The following FANCB variants were observed in gnomAD, a reference collection of about 807,000 sequenced individuals.
FANCB encodes FA complementation group B.
In FANCB, 5 loss-of-function variants were observed where a neutral mutation model predicts 38.9. The observed-to-expected ratio is 0.13, with a 90% CI of 0.07 to 0.27. The LOEUF is 0.27. Ranked by LOEUF, FANCB falls within the 10% of genes least tolerant of loss-of-function variation. FANCB has a pLI of 1.00. For synonymous variants in FANCB, 236 were observed against 215.4 expected (o/e 1.10, Z -0.84); for missense variants, 573 against 602.7 (o/e 0.95, Z 0.52).
the FANCB span, among the ~76,000 whole-genome samples, chrX:14,804,027 C>T: frequency 8.9e-6 from 1 of 111,901 alleles, no homozygotes; most frequent in Middle Eastern, 4.6e-3. Flanking sequence ...CACTTTTACA[C>T]TGTTGGTGGG....
At chrX:14,796,683 C>A in the FANCB span, among the ~76,000 whole-genome samples, 1 of 68,568 alleles carries the variant, frequency 1.5e-5, no homozygotes, top group Non-Finnish European at 2.6e-5. Context: ...CACACACACA[C>A]GTCTATATAT....
the FANCB span, among the ~76,000 whole-genome samples, chrX:14,695,332 G>A: frequency 9.0e-6 from 1 of 111,637 alleles, no homozygotes; most frequent in Non-Finnish European, 1.9e-5. Flanking sequence ...TGTGCTCATG[G>A]GGGGATATAT....
chrX:14,715,670 A>T, the FANCB span, among the ~76,000 whole-genome samples: 1 of 111,665 alleles, frequency 9.0e-6, no homozygotes, highest in Non-Finnish European at 1.9e-5. Flanking sequence ...AAAGACTTGA[A>T]GGAGTTTACC....
chrX:14,811,174 C>T, the FANCB span, among the ~76,000 whole-genome samples: 358 of 111,053 alleles, frequency 3.2e-3, 2 homozygotes, highest in African/African-American at 0.011. Context: ...AAGCACTAAA[C>T]ATGGAAAGGA....
At chrX:14,797,747 A>C in the FANCB span, among the ~76,000 whole-genome samples, 3 of 110,299 alleles carry the variant, frequency 2.7e-5, no homozygotes, top group East Asian at 8.5e-4. Flanking sequence ...CCACTCTCAA[A>C]GAGGGGGGAG....
the FANCB span, among the ~76,000 whole-genome samples, chrX:14,758,655 T>C: frequency 2.7e-5 from 3 of 111,744 alleles, no homozygotes; most frequent in East Asian, 8.5e-4. Flanking sequence ...CAGAAAGTCA[T>C]ATTCCTAGGG....
At chrX:14,871,823 ATT>A (rs774037981) in intron 1 of FANCB, among the ~76,000 whole-genome samples, 2 of 100,597 alleles carry the variant, frequency 2.0e-5, no homozygotes, top group African/African-American at 3.6e-5. Flanking sequence ...GCCATGTACT[ATT>A]TTTTTTTTTT....
intron 5 of FANCB, among the ~76,000 whole-genome samples, chrX:14,856,238 T>G (rs764735678): frequency 1.8e-5 from 2 of 111,924 alleles, no homozygotes; most frequent in East Asian, 5.6e-4. Flanking sequence ...TGTAAAATCA[T>G]CTTCATCCTT....
At chrX:14,753,411 G>A in the FANCB span, among the ~76,000 whole-genome samples, 108 of 112,208 alleles carry the variant, frequency 9.6e-4, no homozygotes, top group African/African-American at 3.2e-3. Flanking sequence ...TAGGTTATAC[G>A]ACTTATCTAT....
At chrX:14,751,697 G>A in the FANCB span, among the ~76,000 whole-genome samples, 1 of 111,670 alleles carries the variant, frequency 9.0e-6, no homozygotes, top group South Asian at 3.7e-4. Context: ...CCTCTGGAAG[G>A]GGATAAAAGG....
At chrX:14,848,263 CG>C (rs1180060072) in intron 7 of FANCB, among the ~76,000 whole-genome samples, 3 of 112,080 alleles carry the variant, frequency 2.7e-5, no homozygotes, top group Non-Finnish European at 3.8e-5. Flanking sequence ...GCCAACAGCG[CG>C]TGATGTGCTT....
chrX:14,710,319 G>T, the FANCB span, among the ~76,000 whole-genome samples: 4 of 111,954 alleles, frequency 3.6e-5, no homozygotes, highest in Non-Finnish European at 7.5e-5. Flanking sequence ...GGGAAGAGGG[G>T]AAAGAAAGCA....
intron 5 of FANCB, among the ~76,000 whole-genome samples, chrX:14,854,691 G>A (rs1426040867): frequency 1.8e-5 from 2 of 111,272 alleles, no homozygotes; most frequent in East Asian, 2.8e-4. Context: ...TCTATCATAC[G>A]TGCAGAAGAA....
chrX:14,791,171 C>A, the FANCB span, among the ~76,000 whole-genome samples: 10 of 111,615 alleles, frequency 9.0e-5, no homozygotes, highest in African/African-American at 3.3e-4. Context: ...ATGTTGAAAC[C>A]TAATCCTATC....
chrX:14,775,451 G>A, the FANCB span, among the ~76,000 whole-genome samples: 2 of 111,758 alleles, frequency 1.8e-5, no homozygotes, highest in Admixed American at 1.9e-4. Flanking sequence ...GAAGCAGTAA[G>A]GGCAGGAGGA....
the FANCB span, among the ~76,000 whole-genome samples, chrX:14,733,394 T>A: frequency 8.9e-6 from 1 of 112,023 alleles, no homozygotes; most frequent in Non-Finnish European, 1.9e-5. Context: ...TAGTTTTTTC[T>A]AATTCTGTGA....
chrX:14,819,869 C>T, the FANCB span, among the ~76,000 whole-genome samples: 12 of 111,672 alleles, frequency 1.1e-4, no homozygotes, highest in Non-Finnish European at 2.3e-4. Context: ...CAGTAGCATC[C>T]TAACACTGCC....
chrX:14,694,857 A>T, the FANCB span, among the ~76,000 whole-genome samples: 2 of 111,952 alleles, frequency 1.8e-5, no homozygotes, highest in East Asian at 5.6e-4. Context: ...AAGAGATGAG[A>T]AGATGAATTG....
At position 14,845,867 on chromosome X, in the gene FANCB, C is replaced by T. The variant is rs1009600322; in HGVS notation, c.1497-581G>A. ...ATTTATAATAATTTACAAATATATA[C>T]AGGCTTACTGTAGCACATTCCAGCA... On this transcript the variant is annotated intron_variant, in intron 7 of 9. Coordinates refer to ENST00000650831, the MANE Select transcript of FANCB (RefSeq NM_001018113.3). Among the ~76,000 whole-genome samples the T allele has an allele frequency of 9.9e-5, 11 of 111,515 alleles. No homozygotes were observed. In the East Asian group the frequency reaches 2.8e-3, roughly 28 times the overall value.
Sources: allele counts gnomAD v4.1 joint callset (sites outside exome capture counted in the v4.1 genomes callset), GRCh38; gene constraint gnomAD v4.1.1; transcripts MANE v1.5; gene names NCBI Gene and HGNC (gene_info 2026-07-23, HGNC 2026-07-21).